TRIM24: variants seen among roughly 807,000 people sequenced by gnomAD.
TRIM24 encodes tripartite motif containing 24, also known as transcription intermediary factor 1-alpha.
TRIM24 carries 29 observed loss-of-function variants against 123.9 expected under a neutral mutation model. That is an observed-to-expected ratio of 0.23 (90% CI 0.17 to 0.32). The LOEUF (loss-of-function observed/expected upper bound fraction) is 0.32, where lower values mean the gene tolerates loss of function less well. Among genes scored for constraint, TRIM24 ranks in the 10% least tolerant of loss-of-function variants. The pLI, the probability that TRIM24 is intolerant of heterozygous loss-of-function variation, is 1.00. For synonymous variants in TRIM24, 456 were observed against 461.1 expected (o/e 0.99, Z 0.14); for missense variants, 932 against 1,295.3 (o/e 0.72, Z 4.31).
intron 1 of TRIM24, among the ~76,000 whole-genome samples, chr7:138,487,639 G>T (rs990181492): frequency 6.6e-6 from 1 of 152,078 alleles, no homozygotes; most frequent in South Asian, 2.1e-4. Flanking sequence ...TTATGTGATG[G>T]ATTACGTTTC....
In TRIM24 at chr7:138,544,469, A is replaced by G. The variant is rs954016356; in HGVS notation, c.1143+5666A>G. Among the ~76,000 whole-genome samples, 23 of 152,358 alleles carry G rather than the reference A, an allele frequency of 1.5e-4. 1 individual carries two copies. The South Asian group carries it at 2.7e-3, about 18-fold the overall frequency. ...CTTGGCCATTGTGAATAATGCTGCA[A>G]TGACATGGGAGTGTAGATATCTCTA... On this transcript the variant is annotated intron_variant, in intron 7 of 18. Transcript: ENST00000343526.
rs146431780 is a variant in TRIM24, at chr7:138,480,709, ACT to A, written c.364+19801_364+19802del. ...GGTGAACGCTCAAGTTAACTTACCA[ACT>A]CTCATATACCCACTAGCAGTTCATG... On this transcript the variant is annotated intron_variant, in intron 1 of 18. Coordinates refer to ENST00000343526, the MANE Select transcript of TRIM24 (RefSeq NM_015905.3). Among the ~76,000 whole-genome samples, 643 of 151,950 alleles carry A rather than the reference ACT, an allele frequency of 4.2e-3. 5 individuals are homozygous for A. The highest frequency in any genetic ancestry group is 0.015 in the African/African-American group (628 of 41,436).
intron 3 of TRIM24, among the ~76,000 whole-genome samples, chr7:138,517,017 A>C (rs1584713736): frequency 6.6e-6 from 1 of 151,352 alleles, no homozygotes; most frequent in Admixed American, 6.6e-5. Context: ...TGGTGGGAGG[A>C]CCACTTGAAC....
rs112391118 is a variant in TRIM24 at position 138,515,403 on chromosome 7, C to CCT, written c.631+44_631+45insCT. On this transcript the variant is annotated intron_variant, in intron 3 of 18. Transcript: ENST00000343526. ...GCATTTTTTTCCTTCTATCTTTCCC[C>CCT]GTCTTTTCTTCCTTCCTGTATTGAC... is the stretch of plus-strand genomic sequence containing the variant. The CCT allele has an allele frequency of 4.5e-3, 7,191 of 1,595,868 alleles. 212 individuals carry two copies. In the African/African-American group the frequency reaches 0.074, roughly 16 times the overall value.
At chr7:138,579,169 T>A in intron 14 of TRIM24, 35 bp from the exon 15 acceptor site, 1 of 1,517,562 alleles carries the variant, frequency 6.6e-7, no homozygotes. Context: ...AAATTTTTTT[T>A]AAAGCCAGTT....
At chr7:138,465,759 A>G (rs1338007882) in intron 1 of TRIM24, among the ~76,000 whole-genome samples, 1 of 152,202 alleles carries the variant, frequency 6.6e-6, no homozygotes, top group Non-Finnish European at 1.5e-5. Flanking sequence ...ATTTTTATTC[A>G]CCTGTTAGTA....
intron 2 of TRIM24, among the ~76,000 whole-genome samples, chr7:138,511,449 CA>C (rs1796286964): frequency 6.6e-6 from 1 of 151,856 alleles, no homozygotes; most frequent in Non-Finnish European, 1.5e-5. Context: ...TACAGATGTG[CA>C]GCTAATTTGT....
At chr7:138,583,035 A>G (rs908836295) in intron 17 of TRIM24, among the ~76,000 whole-genome samples, 3 of 152,198 alleles carry the variant, frequency 2.0e-5, no homozygotes, top group African/African-American at 7.2e-5. Context: ...TTCTTAATAA[A>G]TATCATCTCA....
chr7:138,482,453 A>G (rs926387174), intron 1 of TRIM24, among the ~76,000 whole-genome samples: 2 of 152,012 alleles, frequency 1.3e-5, no homozygotes, highest in African/African-American at 2.4e-5. Flanking sequence ...GGAGAATATT[A>G]TTATGCTTCT....
Position 138,460,560 on chromosome 7 carries a change from G to A in TRIM24, c.12G>A (p.Ala4=). 1 of 1,310,538 alleles carries A rather than the reference G, an allele frequency of 7.6e-7. No homozygotes were observed. Among genetic ancestry groups the A allele is most frequent in the Non-Finnish European group, 9.6e-7 (1 of 1,039,900 alleles). The allele number at this position is 1,310,538 out of a possible 1,614,324, so 81.2% of individuals were successfully genotyped here. A position where few individuals can be genotyped will look rare whatever the true frequency, so the allele number is the denominator to read the frequency against. The change falls in exon 1 of 19, where the codon GCG becomes GCA. Residue 4 remains alanine (A), a synonymous_variant. Transcript: ENST00000343526. Reference sequence around the variant, plus strand: ...GCAAGGGCAGGACAATGGAGGTGGCGGTGGAGAAGGCGGTGGCGGCGGCGG... The same window carrying A: ...GCAAGGGCAGGACAATGGAGGTGGCAGTGGAGAAGGCGGTGGCGGCGGCGG... MEV[A]VEKAVAAAAA... is the part of the protein sequence containing the mutation.
intron 15 of TRIM24, 125 bp downstream of exon 15, chr7:138,579,657 A>G (rs1325436656): frequency 5.4e-6 from 4 of 739,760 alleles, no homozygotes; most frequent in African/African-American, 1.8e-5. Context: ...CAAAATCCCA[A>G]TGAATAGTCT....
At chr7:138,529,339 T>C (rs1236235500) in intron 6 of TRIM24, 109 bp downstream of exon 6, 16 of 584,486 alleles carry the variant, frequency 2.7e-5, no homozygotes, top group Non-Finnish European at 4.0e-5. Context: ...TGTGATTTAA[T>C]ATTTTTTTTT....
At chr7:138,469,016 C>T (rs1795212320) in intron 1 of TRIM24, among the ~76,000 whole-genome samples, 1 of 152,170 alleles carries the variant, frequency 6.6e-6, no homozygotes, top group African/African-American at 2.4e-5. Context: ...TCATGGATCA[C>T]AGTACTGCAT....
chr7:138,513,999 C>T (rs1796342216), intron 2 of TRIM24, among the ~76,000 whole-genome samples: 1 of 152,128 alleles, frequency 6.6e-6, no homozygotes, highest in East Asian at 1.9e-4. Flanking sequence ...TCCACAGTGA[C>T]AATCAGGTGA....
At chr7:138,488,274 T>C (rs973942844) in intron 1 of TRIM24, among the ~76,000 whole-genome samples, 2 of 152,050 alleles carry the variant, frequency 1.3e-5, no homozygotes, top group Non-Finnish European at 2.9e-5. Flanking sequence ...ATCTATTTTG[T>C]TGATCTTTTC....
chr7:138,551,471 A>G (rs1797211214), intron 8 of TRIM24, among the ~76,000 whole-genome samples: 1 of 152,172 alleles, frequency 6.6e-6, no homozygotes, highest in East Asian at 1.9e-4. Context: ...CGAAGAAAAT[A>G]TGTTCTCTCA....
chr7:138,553,284 G>A (rs1007093736), intron 8 of TRIM24, among the ~76,000 whole-genome samples: 3 of 152,054 alleles, frequency 2.0e-5, no homozygotes, highest in Non-Finnish European at 4.4e-5. Context: ...AAAAGCGCTA[G>A]GGGAAAATAT....
At chr7:138,543,194 C>T (rs1195775948) in intron 7 of TRIM24, among the ~76,000 whole-genome samples, 5 of 152,066 alleles carry the variant, frequency 3.3e-5, no homozygotes, top group Non-Finnish European at 7.4e-5. Context: ...AATTAATTTA[C>T]ACAATGAACT....
At chr7:138,504,444 GCTC>G (rs148040062) in intron 2 of TRIM24, 36 bp downstream of exon 2, 44,148 of 622,180 alleles carry the variant, frequency 0.071, 3,888 homozygotes, top group Admixed American at 0.14. Context: ...TTGCCTGCCA[GCTC>G]TTTTTTTTTT....
Sources: allele counts gnomAD v4.1 joint callset (sites outside exome capture counted in the v4.1 genomes callset), GRCh38; gene constraint gnomAD v4.1.1; transcripts MANE v1.5; gene names NCBI Gene and HGNC (gene_info 2026-07-23, HGNC 2026-07-21).